LOC122539214: variants seen among roughly 807,000 people sequenced by gnomAD.
At chr19:52,655,810 G>T in the LOC122539214 span, 10 of 530,452 alleles carry the variant, frequency 1.9e-5, no homozygotes, top group East Asian at 6.4e-5. Context: ...CCCACATTAA[G>T]GTATTTTTGA....
chr19:52,676,430 G>A, the LOC122539214 span, among the ~76,000 whole-genome samples: 1 of 151,984 alleles, frequency 6.6e-6, no homozygotes, highest in Non-Finnish European at 1.5e-5. Flanking sequence ...GAGCGTCTCT[G>A]CCTGGCCGCC....
chr19:52,678,633 G>T, the LOC122539214 span, among the ~76,000 whole-genome samples: 7 of 151,892 alleles, frequency 4.6e-5, no homozygotes, highest in Middle Eastern at 3.4e-3. Context: ...CAAATGCCAG[G>T]CCCTCATATC....
the LOC122539214 span, among the ~76,000 whole-genome samples, chr19:52,670,076 T>C: frequency 6.6e-6 from 1 of 152,150 alleles, no homozygotes; most frequent in Non-Finnish European, 1.5e-5. Context: ...TAAAGCAACC[T>C]TTTTCGATCA....
the LOC122539214 span, among the ~76,000 whole-genome samples, chr19:52,682,290 T>C: frequency 6.6e-6 from 1 of 152,182 alleles, no homozygotes; most frequent in Non-Finnish European, 1.5e-5. Flanking sequence ...TCTCCCAAGA[T>C]GGGAGGATCC....
the LOC122539214 span, among the ~76,000 whole-genome samples, chr19:52,680,809 T>C: frequency 6.7e-6 from 1 of 149,686 alleles, no homozygotes; most frequent in South Asian, 2.1e-4. Context: ...AGACGGGGTT[T>C]CACCGTGTTA....
At chr19:52,669,965 G>T in the LOC122539214 span, among the ~76,000 whole-genome samples, 1 of 152,248 alleles carries the variant, frequency 6.6e-6, no homozygotes, top group Non-Finnish European at 1.5e-5. Flanking sequence ...GAAAATGCAA[G>T]AGAAGGGAAT....
chr19:52,669,880 T>C, the LOC122539214 span, among the ~76,000 whole-genome samples: 12 of 152,168 alleles, frequency 7.9e-5, no homozygotes. Context: ...AAGAAGCTTC[T>C]TCTTATTTTG....
the LOC122539214 span, among the ~76,000 whole-genome samples, chr19:52,687,611 A>AAATTAT: frequency 3.9e-3 from 110 of 28,240 alleles, 3 homozygotes; most frequent in African/African-American, 0.016. Context: ...ATATATATAT[A>AAATTAT]ATGTGTATAT....
chr19:52,676,176 T>A, the LOC122539214 span, among the ~76,000 whole-genome samples: 931 of 151,928 alleles, frequency 6.1e-3, 4 homozygotes, highest in African/African-American at 0.021. Flanking sequence ...GGAGACGGGG[T>A]TTCGCTGTGT....
the LOC122539214 span, among the ~76,000 whole-genome samples, chr19:52,682,674 CAAGAAAAAGAAAAAGAAA>C: frequency 0.39 from 57,940 of 149,840 alleles, 14,588 homozygotes; most frequent in African/African-American, 0.72. Flanking sequence ...TCTCAAAAAA[CAAGAAAAAGAAAAAGAAA>C]AAGAAAAAGA....
At chr19:52,651,762 T>A in the LOC122539214 span, 2 of 154,856 alleles carry the variant, frequency 1.3e-5, no homozygotes, top group Non-Finnish European at 2.8e-5. Context: ...GGCAAACTGG[T>A]TCAGGTCTGT....
the LOC122539214 span, chr19:52,653,302 T>G: frequency 7.3e-7 from 1 of 1,366,732 alleles, no homozygotes; most frequent in African/African-American, 1.4e-5. Context: ...CTTACCACAT[T>G]CATTACATGT....
At chr19:52,654,344 C>A in the LOC122539214 span, 2 of 1,366,792 alleles carry the variant, frequency 1.5e-6, no homozygotes, top group Non-Finnish European at 2.0e-6. Flanking sequence ...GTGTGGATCA[C>A]TTCTCCTGTA....
At chr19:52,654,018 T>A in the LOC122539214 span, 8 of 1,551,130 alleles carry the variant, frequency 5.2e-6, no homozygotes, top group Non-Finnish European at 7.1e-6. Flanking sequence ...TTCTTTGGGA[T>A]GTTGAAACCA....
chr19:52,676,172 G>C, the LOC122539214 span, among the ~76,000 whole-genome samples: 6 of 152,174 alleles, frequency 3.9e-5, no homozygotes, highest in African/African-American at 1.4e-4. Flanking sequence ...TGGTGGAGAC[G>C]GGGTTTCGCT....
chr19:52,687,472 ATATC>A, the LOC122539214 span, among the ~76,000 whole-genome samples: 1 of 66,258 alleles, frequency 1.5e-5, no homozygotes, highest in Non-Finnish European at 2.8e-5. Context: ...TATAATTTAT[ATATC>A]TATATAAATT....
chr19:52,664,313 T>C, the LOC122539214 span, among the ~76,000 whole-genome samples: 30 of 151,532 alleles, frequency 2.0e-4, no homozygotes, highest in African/African-American at 7.0e-4. Flanking sequence ...CTGGGCAACA[T>C]GGAGAAAGCC....
the LOC122539214 span, among the ~76,000 whole-genome samples, chr19:52,659,526 T>C: frequency 0.59 from 89,853 of 151,226 alleles, 27,624 homozygotes; most frequent in Non-Finnish European, 0.66. Flanking sequence ...TTTATTCATA[T>C]GTGGTTTAGG....
At chr19:52,685,012 GC>G in the LOC122539214 span, among the ~76,000 whole-genome samples, 1 of 152,194 alleles carries the variant, frequency 6.6e-6, no homozygotes, top group Admixed American at 6.5e-5. Context: ...ACAGAGAAAG[GC>G]CCCGAAGATG....
Sources: allele counts gnomAD v4.1 joint callset (sites outside exome capture counted in the v4.1 genomes callset), GRCh38; gene constraint gnomAD v4.1.1; transcripts MANE v1.5.